USP16: variants seen among roughly 807,000 people sequenced by gnomAD.
USP16 encodes the protein ubiquitin carboxyl-terminal hydrolase 16.
USP16 carries 77 observed loss-of-function variants against 95.9 expected under a neutral mutation model. That is an observed-to-expected ratio of 0.80 (90% CI 0.67 to 0.97). The LOEUF (loss-of-function observed/expected upper bound fraction) is 0.97, where lower values mean the gene tolerates loss of function less well. USP16 is among the 50% of genes least tolerant of loss of function. USP16 has a pLI of 0.00. For synonymous variants in USP16, 303 were observed against 318.2 expected (o/e 0.95, Z 0.51); for missense variants, 943 against 959.9 (o/e 0.98, Z 0.23).
intron 6 of USP16, 53 bp from the exon 7 acceptor site, chr21:29,038,282 A>C: frequency 8.2e-7 from 1 of 1,220,620 alleles, no homozygotes. Flanking sequence ...GAAGTGTCAG[A>C]GTTGATTTGC....
At chr21:29,043,334 G>A in intron 12 of USP16, 89 bp from the exon 13 acceptor site, 3 of 970,662 alleles carry the variant, frequency 3.1e-6, no homozygotes, top group Non-Finnish European at 4.1e-6. Flanking sequence ...CATAATAGAA[G>A]TAGAAAAATA....
intron 14 of USP16, among the ~76,000 whole-genome samples, chr21:29,047,890 A>G (rs1352035695): frequency 3.9e-5 from 6 of 151,900 alleles, no homozygotes; most frequent in Non-Finnish European, 1.5e-5. Context: ...TTATTTACAT[A>G]TAGAGACAAA....
At chr21:29,052,194 G>A (rs759439271) in intron 16 of USP16, 4 of 152,216 alleles carry the variant, frequency 2.6e-5, no homozygotes, top group Non-Finnish European at 4.4e-5. Flanking sequence ...TGATGCTGAT[G>A]CTGGCTGTTC....
chr21:29,047,446 ATATTT>A, intron 14 of USP16, 125 bp downstream of exon 14: 1 of 1,092,674 alleles, frequency 9.2e-7, no homozygotes, highest in Non-Finnish European at 1.3e-6. Flanking sequence ...TTCTGTGTAA[ATATTT>A]TAATAGGATG....
At position 29,030,725 on chromosome 21, in the gene USP16, A is replaced by G. The variant is rs1481261025; in HGVS notation, c.192A>G (p.Glu64=). Reference sequence around the variant, plus strand: ...AAGTGAAAGATAAAGCTGAAGAAGAAACAGAAGAAAAGCCTTCAGTTTGGC... The same window carrying G: ...AAGTGAAAGATAAAGCTGAAGAAGAGACAGAAGAAAAGCCTTCAGTTTGGC... ...DNKVKDKAEE[E]TEEKPSVWLC... Residue 64 remains glutamate, a synonymous_variant, in exon 3 of 18, where the codon GAA becomes GAG. Coordinates refer to ENST00000399976, the MANE Select transcript of USP16 (RefSeq NM_006447.3). 1 of 1,613,556 alleles carries G rather than the reference A, an allele frequency of 6.2e-7. No individual in the cohort carries two copies.
intron 3 of USP16, among the ~76,000 whole-genome samples, chr21:29,034,306 T>C (rs973939508): frequency 6.6e-6 from 1 of 151,132 alleles, no homozygotes; most frequent in African/African-American, 2.4e-5. Flanking sequence ...GGTTTTCTTT[T>C]TTTTTTTTTT....
intron 9 of USP16, among the ~76,000 whole-genome samples, chr21:29,040,082 G>T (rs544607065): frequency 6.6e-6 from 1 of 152,022 alleles, no homozygotes; most frequent in East Asian, 1.9e-4. Flanking sequence ...TATTTATTTC[G>T]CACTTATTTT....
At chr21:29,024,821 T>C in intron 1 of USP16, 44 bp downstream of exon 1, 1 of 1,252,780 alleles carries the variant, frequency 8.0e-7, no homozygotes, top group South Asian at 1.3e-5. Context: ...CTCGCCTGGC[T>C]TTCTGCGCTG....
Position 29,048,779 on chromosome 21 carries a change from A to T in USP16, c.2030A>T (p.Tyr677Phe), listed in dbSNP as rs770644386. ...ANIKGERKHV[Y>F]TNAKKQMLIS... ...TCTTTAGGTGAAAGGAAGCATGTTTACACCAATGCCAAAAAGCAGATGCTA... is the reference window on the plus strand; with the variant it reads ...TCTTTAGGTGAAAGGAAGCATGTTTTCACCAATGCCAAAAAGCAGATGCTA... Residue 677 changes from tyrosine (Y) to phenylalanine (F), a missense_variant, in exon 15 of 18, where the codon TAC becomes TTC. Coordinates refer to ENST00000399976, the MANE Select transcript of USP16 (RefSeq NM_006447.3). 6.2e-6 allele frequency: 10 copies of T among 1,613,726 alleles called. No individual in the cohort carries two copies. The highest frequency in any genetic ancestry group is 1.3e-5 in the African/African-American group (1 of 75,048).
At chr21:29,051,382 G>A (rs1204408897) in intron 16 of USP16, among the ~76,000 whole-genome samples, 1 of 152,176 alleles carries the variant, frequency 6.6e-6, no homozygotes, top group African/African-American at 2.4e-5. Context: ...TACATATGTG[G>A]CAGTTTAAAC....
At position 29,048,739 on chromosome 21, in the gene USP16, A is replaced by G. The variant is rs561978405; in HGVS notation, c.2012-22A>G. The G allele has an allele frequency of 2.7e-5, 43 of 1,594,362 alleles. No homozygotes were observed. In the African/African-American group the frequency reaches 3.0e-4, roughly 11 times the overall value. On this transcript the variant is annotated intron_variant, in intron 14 of 17. Coordinates refer to ENST00000399976, the MANE Select transcript of USP16 (RefSeq NM_006447.3). ...GGTCTAAAATGATTTTCTCCCTGTT[A>G]AAAATTTCTTCTTTTCTTTAGGTGA... is the stretch of plus-strand genomic sequence containing the variant.
intron 16 of USP16, among the ~76,000 whole-genome samples, chr21:29,050,474 A>T (rs1280460581): frequency 6.6e-6 from 1 of 152,240 alleles, no homozygotes; most frequent in Non-Finnish European, 1.5e-5. Context: ...ATGTGGTTGA[A>T]TGTTAAGGCT....
intron 4 of USP16, among the ~76,000 whole-genome samples, chr21:29,035,963 TG>T (rs1435311141): frequency 1.3e-5 from 2 of 152,166 alleles, no homozygotes; most frequent in Non-Finnish European, 2.9e-5. Context: ...TTGTTATTTT[TG>T]TTAGTGTTAT....
intron 4 of USP16, 37 bp from the exon 5 acceptor site, chr21:29,036,234 A>C (rs754469807): frequency 1.9e-6 from 3 of 1,542,516 alleles, no homozygotes; most frequent in Non-Finnish European, 2.7e-6. Flanking sequence ...TTTAGTTGTC[A>C]TTTTGTCATT....
intron 3 of USP16, among the ~76,000 whole-genome samples, chr21:29,033,130 T>TATATTTGTGTTACAAA (rs2085101809): frequency 6.6e-6 from 1 of 152,238 alleles, no homozygotes; most frequent in Non-Finnish European, 1.5e-5. Flanking sequence ...TCAGAATATA[T>TATATTTGTGTTACAAA]TTTGTGTTAC....
At chr21:29,046,321 T>G (rs1347075201) in intron 13 of USP16, among the ~76,000 whole-genome samples, 2 of 152,092 alleles carry the variant, frequency 1.3e-5, no homozygotes, top group Admixed American at 1.3e-4. Context: ...TTTTATTTTT[T>G]TTTAGAGATG....
intron 1 of USP16, chr21:29,025,830 C>G (rs894166164): frequency 3.3e-6 from 2 of 612,244 alleles, no homozygotes; most frequent in African/African-American, 4.0e-5. Flanking sequence ...CTGCTATGTA[C>G]TAACATTATG....
Position 29,054,011 on chromosome 21 carries a change from A to G in USP16, c.2350+53A>G, listed in dbSNP as rs1425971731. On this transcript the variant is annotated intron_variant, in intron 17 of 17. Transcript: ENST00000399976. ...TCAGCAGATTACGGCAAAACCAAAA[A>G]GTAATCAACTTGAATCTTTCCATTT... 3.1e-6 allele frequency: 5 copies of G among 1,613,000 alleles called. No individual in the cohort carries two copies. In the Admixed American group the frequency reaches 5.0e-5, roughly 16 times the overall value.
chr21:29,040,696 T>C lies in USP16; in HGVS notation c.1030+9T>C. ...AAAAAATAAAGTTAAAGGTAATGTC[T>C]GACTTTTTGAACTAAAACACTATAG... On this transcript the variant is annotated intron_variant, in intron 10 of 17. Coordinates refer to ENST00000399976, the MANE Select transcript of USP16 (RefSeq NM_006447.3). The C allele has an allele frequency of 6.8e-7, 1 of 1,473,008 alleles. No homozygotes were observed. 91.2% of individuals were successfully genotyped at this position (1,473,008 alleles called of 1,614,324 possible).
Sources: gnomAD v4.1 joint callset for allele counts (sites outside exome capture counted in the v4.1 genomes callset) on GRCh38, gnomAD v4.1.1 for gene constraint, MANE v1.5 for transcripts, NCBI Gene and HGNC (gene_info 2026-07-23, HGNC 2026-07-21) for gene names.